Variants in ZNF516 observed in about 807,000 individuals in gnomAD.
The protein encoded by ZNF516 is zinc finger protein 516.
Under a neutral mutation model 79.7 loss-of-function variants are expected in ZNF516, and 19 were observed. The ratio of observed to expected loss-of-function variants is 0.24; its 90% CI spans 0.17 to 0.35. The LOEUF (loss-of-function observed/expected upper bound fraction) is 0.35, where lower values mean the gene tolerates loss of function less well. Among genes scored for constraint, ZNF516 ranks in the 10% least tolerant of loss-of-function variants. The pLI, the probability that ZNF516 is intolerant of heterozygous loss-of-function variation, is 1.00. For missense variants in ZNF516, 1,678 were observed against 1,679.5 expected, an observed-to-expected ratio of 1.00 and a Z score of 0.02; for synonymous variants, 877 against 739.5, an observed-to-expected ratio of 1.19 and a Z score of -3.02.
chr18:76,396,319 CTG>C (rs1247954674), intron 3 of ZNF516, among the ~76,000 whole-genome samples: 1 of 152,178 alleles, frequency 6.6e-6, no homozygotes, highest in African/African-American at 2.4e-5. Flanking sequence ...CCAAATGACA[CTG>C]AGGATTTCAA....
intron 3 of ZNF516, among the ~76,000 whole-genome samples, chr18:76,404,553 CATGT>C (rs2075275674): frequency 6.6e-6 from 1 of 151,650 alleles, no homozygotes; most frequent in African/African-American, 2.4e-5. Flanking sequence ...TGAACGTGTG[CATGT>C]GTTTGTATGT....
At chr18:76,474,569 A>G (rs932580393) in intron 1 of ZNF516, among the ~76,000 whole-genome samples, 3 of 152,248 alleles carry the variant, frequency 2.0e-5, no homozygotes. Flanking sequence ...CAAGAAAGCT[A>G]AAATAAAATT....
chr18:76,476,315 A>G (rs1399877926), intron 1 of ZNF516, among the ~76,000 whole-genome samples: 3 of 152,252 alleles, frequency 2.0e-5, no homozygotes, highest in Non-Finnish European at 4.4e-5. Context: ...TCTTAAAAGC[A>G]AAGTGTCTCT....
chr18:76,401,682 C>T (rs138286243), intron 3 of ZNF516, among the ~76,000 whole-genome samples: 1 of 146,762 alleles, frequency 6.8e-6, no homozygotes, highest in East Asian at 2.1e-4. Context: ...GCACAACCGG[C>T]CTCCCAGTCA....
chr18:76,496,276 C>T (rs952924795), upstream of ZNF516: 89 of 1,287,432 alleles, frequency 6.9e-5, no homozygotes, highest in Non-Finnish European at 8.8e-5. Flanking sequence ...CTTCTCCCAC[C>T]AGGCTCCTGG....
intron 1 of ZNF516, among the ~76,000 whole-genome samples, chr18:76,482,052 A>C (rs959429069): frequency 2.0e-5 from 3 of 152,228 alleles, no homozygotes; most frequent in Admixed American, 1.3e-4. Flanking sequence ...GCCTGTATTA[A>C]AACAACCAGT....
At chr18:76,424,487 AAC>A (rs1262235352) in intron 3 of ZNF516, among the ~76,000 whole-genome samples, 2 of 146,762 alleles carry the variant, frequency 1.4e-5, no homozygotes, top group Admixed American at 6.8e-5. Flanking sequence ...TCCCACATGA[AAC>A]ACACGCAGGT....
chr18:76,402,960 G>C (rs1327052499), intron 3 of ZNF516, among the ~76,000 whole-genome samples: 1 of 152,236 alleles, frequency 6.6e-6, no homozygotes, highest in Admixed American at 6.5e-5. Context: ...AAGCTACAGG[G>C]CTGAGAGCCA....
chr18:76,394,695 TG>T (rs1179712421), intron 3 of ZNF516, among the ~76,000 whole-genome samples: 6 of 268 alleles, frequency 0.022, 3 homozygotes, highest in Admixed American at 0.1. Context: ...GGTGGTCAGG[TG>T]GGGGGAAGGC....
chr18:76,423,820 G>T (rs1330586855), intron 3 of ZNF516, among the ~76,000 whole-genome samples: 2 of 134,460 alleles, frequency 1.5e-5, no homozygotes, highest in Non-Finnish European at 3.1e-5. Context: ...AGGTGAAAAG[G>T]TTCCCCCATG....
intron 2 of ZNF516, among the ~76,000 whole-genome samples, chr18:76,452,176 C>T (rs959544774): frequency 6.6e-6 from 1 of 152,228 alleles, no homozygotes; most frequent in African/African-American, 2.4e-5. Flanking sequence ...CAGCCGCCAG[C>T]AGCAACGCGG....
intron 1 of ZNF516, among the ~76,000 whole-genome samples, chr18:76,489,255 T>A (rs1915014984): frequency 1.3e-5 from 2 of 152,216 alleles, no homozygotes; most frequent in South Asian, 4.1e-4. Flanking sequence ...TTTTCAAGAA[T>A]AATCCATGAC....
intron 1 of ZNF516, among the ~76,000 whole-genome samples, chr18:76,475,132 A>G (rs567393588): frequency 1.3e-5 from 2 of 152,330 alleles, no homozygotes; most frequent in Admixed American, 6.5e-5. Flanking sequence ...ACCCAAAGAG[A>G]TATTTGTAAC....
At chr18:76,491,005 C>G (rs1915151246) in intron 1 of ZNF516, 5 of 985,326 alleles carry the variant, frequency 5.1e-6, no homozygotes, top group Non-Finnish European at 4.8e-6. Context: ...GCCCCAAGCC[C>G]GGGTGCCCAC....
chr18:76,410,853 G>C (rs12970832), intron 3 of ZNF516, among the ~76,000 whole-genome samples: 2,420 of 152,194 alleles, frequency 0.016, 36 homozygotes, highest in Middle Eastern at 0.044. Context: ...AAGATCTCAG[G>C]TTATAGCCAA....
At chr18:76,473,475 A>G in intron 1 of ZNF516, among the ~76,000 whole-genome samples, 1 of 152,128 alleles carries the variant, frequency 6.6e-6, no homozygotes, top group East Asian at 1.9e-4. Context: ...TATACCATTA[A>G]AAGTTTAATG....
Position 76,379,395 on chromosome 18 carries a change from T to G in ZNF516, c.2719A>C (p.Lys907Gln). The change falls in exon 4 of 7, where the codon AAG becomes CAG. Residue 907 changes from lysine to glutamine, a missense_variant. By Grantham distance (53) the Lys-to-Gln change is moderately conservative (BLOSUM62 1). This residue lies in a region of ZNF516 where 1,294 missense variants were observed against 1,248.3 expected (regional missense o/e 1.04). Coordinates refer to ENST00000443185, the MANE Select transcript of ZNF516 (RefSeq NM_014643.4). ...TTGGAGCTAGCCTCCTGCCTGGGCT[T>G]GGCCAGGGGCCCCTGTGTGGCCGCG... Reference protein sequence around the residue: ...HGAATQGPLAKPRQEASSKPV... With the variant: ...HGAATQGPLAQPRQEASSKPV... 4 of 1,603,082 alleles carry G rather than the reference T, an allele frequency of 2.5e-6. No homozygotes were observed. The highest frequency in any genetic ancestry group is 3.4e-6 in the Non-Finnish European group (4 of 1,174,406).
chr18:76,368,822 T>C (rs1442038547), intron 6 of ZNF516, among the ~76,000 whole-genome samples: 1 of 152,242 alleles, frequency 6.6e-6, no homozygotes, highest in Admixed American at 6.5e-5. Context: ...TTATTTAAAA[T>C]AGTCTAAATG....
At chr18:76,398,312 A>G (rs1003765862) in intron 3 of ZNF516, among the ~76,000 whole-genome samples, 1 of 152,218 alleles carries the variant, frequency 6.6e-6, no homozygotes, top group Non-Finnish European at 1.5e-5. Flanking sequence ...ATATTCTTTT[A>G]TTATTTTTTA....
Sources: gnomAD v4.1 joint callset for allele counts (sites outside exome capture counted in the v4.1 genomes callset) on GRCh38, gnomAD v4.1.1 for gene constraint, gnomAD v4.1.1 regional missense constraint, MANE v1.5 for transcripts, NCBI Gene and HGNC (gene_info 2026-07-23, HGNC 2026-07-21) for gene names.